The following PRKCA variants were observed in gnomAD, a reference collection of about 807,000 sequenced individuals.
PRKCA encodes the protein protein kinase C alpha type.
A neutral mutation model predicts 87.0 loss-of-function variants in PRKCA; 27 were observed. That is an observed-to-expected ratio of 0.31 (90% CI 0.23 to 0.43). The LOEUF is 0.43. Among genes scored for constraint, PRKCA ranks in the 20% least tolerant of loss-of-function variants. The probability of loss-of-function intolerance (pLI) is 1.00; values close to 1 mark genes in which losing one functional copy is unlikely to be tolerated. For synonymous variants in PRKCA, 329 were observed against 311.1 expected (o/e 1.06, Z -0.61); for missense variants, 518 against 852.3 (o/e 0.61, Z 4.88).
chr17:66,316,354 A>G lies in PRKCA; in HGVS notation c.205+10227A>G, dbSNP rs1338920063. ...TCAGAACAAAGTTACAAATACAGAG[A>G]TTACTGTATCTACATGTAGAAGATA... On this transcript the variant is annotated intron_variant, in intron 2 of 16. Transcript: ENST00000413366. Among the ~76,000 whole-genome samples, 16 of 152,280 alleles carry G rather than the reference A, an allele frequency of 1.1e-4. 1 individual carries two copies. The highest frequency in any genetic ancestry group is 1.5e-5 in the Non-Finnish European group (1 of 68,022).
chr17:66,539,050 C>T (rs139410712), intron 3 of PRKCA, among the ~76,000 whole-genome samples: 25 of 152,344 alleles, frequency 1.6e-4, no homozygotes, highest in Admixed American at 3.3e-4. Flanking sequence ...AGTCCACTCC[C>T]TTCTGATCTC....
chr17:66,733,279 G>A (rs1973948756), intron 9 of PRKCA, among the ~76,000 whole-genome samples: 1 of 152,120 alleles, frequency 6.6e-6, no homozygotes, highest in Non-Finnish European at 1.5e-5. Context: ...GAAAGTCTAT[G>A]GTGTGAAATG....
intron 12 of PRKCA, 76 bp from the exon 13 acceptor site, chr17:66,742,546 C>T: frequency 6.8e-7 from 1 of 1,480,214 alleles, no homozygotes; most frequent in Non-Finnish European, 9.3e-7. Flanking sequence ...TTCAGATATC[C>T]TTCTATTTCA....
At chr17:66,331,734 G>T (rs1312341256) in intron 2 of PRKCA, among the ~76,000 whole-genome samples, 5 of 152,202 alleles carry the variant, frequency 3.3e-5, no homozygotes, top group Non-Finnish European at 1.5e-5. Flanking sequence ...CAGGGGAAGT[G>T]GAGCGACCGA....
intron 2 of PRKCA, among the ~76,000 whole-genome samples, chr17:66,316,147 C>CA (rs1905305349): frequency 6.6e-6 from 1 of 152,152 alleles, no homozygotes; most frequent in African/African-American, 2.4e-5. Flanking sequence ...GAGAGTGACT[C>CA]ACGTTCCAGG....
At chr17:66,604,060 C>A (rs1186356406) in intron 3 of PRKCA, among the ~76,000 whole-genome samples, 1 of 152,184 alleles carries the variant, frequency 6.6e-6, no homozygotes. Flanking sequence ...CCCACTGAAG[C>A]CTTCCTCTCC....
Position 66,805,797 on chromosome 17 carries a change from CGT to C in PRKCA, c.*1771_*1772del, listed in dbSNP as rs146191948. On this transcript the variant is annotated 3_prime_UTR_variant, in exon 17 of 17. Coordinates refer to ENST00000413366, the MANE Select transcript of PRKCA (RefSeq NM_002737.3). ...GCACCTGGGCTGACCTTTGTGTGTGCGTGTGTGTGTGTTTCCTTCTTCCCTTC... is the reference window on the plus strand; with the variant it reads ...GCACCTGGGCTGACCTTTGTGTGTGCGTGTGTGTGTTTCCTTCTTCCCTTC... The C allele has an allele frequency of 1.4e-5, 2 of 140,908 alleles. No homozygotes were observed. Among genetic ancestry groups the C allele is most frequent in the South Asian group, 2.6e-4 (1 of 3,838 alleles). The allele number at this position is 140,908 out of a possible 1,614,324, so 8.7% of individuals were successfully genotyped here. A position where few individuals can be genotyped will look rare whatever the true frequency, so the allele number is the denominator to read the frequency against.
At chr17:66,524,327 T>C (rs1347918787) in intron 3 of PRKCA, among the ~76,000 whole-genome samples, 1 of 152,206 alleles carries the variant, frequency 6.6e-6, no homozygotes, top group African/African-American at 2.4e-5. Context: ...GCATTTTTGT[T>C]ACATTGGAAC....
intron 3 of PRKCA, among the ~76,000 whole-genome samples, chr17:66,595,601 A>T (rs1969951244): frequency 6.6e-6 from 1 of 151,816 alleles, no homozygotes; most frequent in African/African-American, 2.4e-5. Context: ...CTGGGACTAC[A>T]GGTGCCCGCC....
chr17:66,417,631 A>G (rs1253218262), intron 2 of PRKCA, among the ~76,000 whole-genome samples: 2 of 152,130 alleles, frequency 1.3e-5, no homozygotes, highest in Non-Finnish European at 2.9e-5. Flanking sequence ...ACCCCAGGTA[A>G]GGAGGGTCCC....
chr17:66,415,512 G>A (rs941693269), intron 2 of PRKCA: 1 of 152,310 alleles, frequency 6.6e-6, no homozygotes, highest in Non-Finnish European at 1.5e-5. Flanking sequence ...TATTCATTCA[G>A]GAGCACGGTA....
intron 2 of PRKCA, among the ~76,000 whole-genome samples, chr17:66,433,633 C>CT (rs1257052491): frequency 6.6e-6 from 1 of 152,082 alleles, no homozygotes; most frequent in Non-Finnish European, 1.5e-5. Context: ...CAACCTCTGC[C>CT]TCCCGGGTTC....
Position 66,349,371 on chromosome 17 carries a change from G to T in PRKCA, c.205+43244G>T, listed in dbSNP as rs116060493. 4.1e-3 allele frequency among the ~76,000 whole-genome samples: 621 copies of T among 152,086 alleles called. 5 individuals are homozygous for T. The highest frequency in any genetic ancestry group is 0.014 in the African/African-American group (591 of 41,482). On this transcript the variant is annotated intron_variant, in intron 2 of 16. Transcript: ENST00000413366. ...CTGCCTGCCTACCCTGCTACCCCCC[G>T]CATTTGGCAAGGTTGCACATGTCTT...
intron 2 of PRKCA, among the ~76,000 whole-genome samples, chr17:66,481,140 A>G (rs757323602): frequency 4.6e-5 from 7 of 152,016 alleles, no homozygotes; most frequent in Non-Finnish European, 1.0e-4. Flanking sequence ...GCTGAGGGCT[A>G]TTCCCCAGGC....
At chr17:66,397,662 A>T (rs1910771468) in intron 2 of PRKCA, among the ~76,000 whole-genome samples, 1 of 151,494 alleles carries the variant, frequency 6.6e-6, no homozygotes, top group East Asian at 1.9e-4. Context: ...TAGTTTTGTG[A>T]CTTATTACAC....
intron 2 of PRKCA, among the ~76,000 whole-genome samples, chr17:66,439,986 A>G (rs916161046): frequency 4.6e-5 from 7 of 152,210 alleles, no homozygotes; most frequent in South Asian, 2.1e-4. Context: ...CATTCCCAGA[A>G]AGAAGTTGGG....
chr17:66,389,670 G>A (rs1377579162), intron 2 of PRKCA, among the ~76,000 whole-genome samples: 1 of 152,192 alleles, frequency 6.6e-6, no homozygotes, highest in Non-Finnish European at 1.5e-5. Context: ...TGGTGCTCTG[G>A]TGCTGTTTGA....
At chr17:66,487,402 C>T (rs547240196) in intron 2 of PRKCA, among the ~76,000 whole-genome samples, 2 of 152,290 alleles carry the variant, frequency 1.3e-5, no homozygotes, top group South Asian at 4.2e-4. Flanking sequence ...CATACTACGT[C>T]TTCCTTATCC....
At chr17:66,523,556 A>T (rs1967242084) in intron 3 of PRKCA, among the ~76,000 whole-genome samples, 1 of 152,220 alleles carries the variant, frequency 6.6e-6, no homozygotes, top group Admixed American at 6.5e-5. Context: ...CATTCAGTAA[A>T]TATTAGCTTA....
Sources: gnomAD v4.1 joint callset for allele counts (sites outside exome capture counted in the v4.1 genomes callset) on GRCh38, gnomAD v4.1.1 for gene constraint, MANE v1.5 for transcripts, NCBI Gene and HGNC (gene_info 2026-07-23, HGNC 2026-07-21) for gene names.